The following CYLC2 variants were observed in gnomAD, a reference collection of about 807,000 sequenced individuals.
CYLC2 encodes the protein cylicin-2.
Under a neutral mutation model 26.1 loss-of-function variants are expected in CYLC2, and 30 were observed. The ratio of observed to expected loss-of-function variants is 1.15; its 90% CI spans 0.86 to 1.56. CYLC2 has a LOEUF of 1.56. CYLC2 is among the 40% of genes most tolerant of loss of function. The pLI, the probability that CYLC2 is intolerant of heterozygous loss-of-function variation, is 0.00. For synonymous variants in CYLC2, 158 were observed against 132.8 expected, an observed-to-expected ratio of 1.19 and a Z score of -1.31; for missense variants, 498 against 394.4, an observed-to-expected ratio of 1.26 and a Z score of -2.23.
intron 6 of CYLC2, among the ~76,000 whole-genome samples, chr9:103,015,266 C>T (rs1224557797): frequency 3.5e-5 from 4 of 113,218 alleles, no homozygotes; most frequent in Non-Finnish European, 6.9e-5. Context: ...ATATTATATA[C>T]ATATATTTAT....
In CYLC2 at chr9:102,997,824, C is replaced by A. The variant is rs564761067; in HGVS notation, c.17+2427C>A. On this transcript the variant is annotated intron_variant, in intron 1 of 7. Transcript: ENST00000374798. ...TTTTGTATTTAGATTAAAATATAAC[C>A]CAGACTAAAAGGAAAAATAATCAGA... Among the ~76,000 whole-genome samples, 34 of 151,664 alleles carry A rather than the reference C, an allele frequency of 2.2e-4. 1 individual carries two copies. In the South Asian group the frequency reaches 6.8e-3, roughly 31 times the overall value.
intron 6 of CYLC2, among the ~76,000 whole-genome samples, chr9:103,013,309 T>TA (rs1564100428): frequency 3.7e-5 from 2 of 54,346 alleles, no homozygotes; most frequent in East Asian, 7.0e-4. Flanking sequence ...ACATGTTATA[T>TA]GTTTATATAA....
chr9:103,005,315 G>C lies in CYLC2; in HGVS notation c.684G>C (p.Lys228Asn). The C allele has an allele frequency of 1.9e-6, 3 of 1,613,632 alleles. No homozygotes were observed. The highest frequency in any genetic ancestry group is 2.5e-6 in the Non-Finnish European group (3 of 1,179,894). Residue 228 changes from lysine to asparagine, a missense_variant, in exon 5 of 8, where the codon AAG becomes AAC. By Grantham distance (94) the Lys-to-Asn change is moderately conservative. Transcript: ENST00000374798. ...KKGKKDSKKG[K>N]DSAIELQAVK... ...GTAAAAAGGATTCAAAGAAGGGCAA[G>C]GATTCAGCCATAGAATTACAAGCTG... is the stretch of plus-strand genomic sequence containing the variant.
intron 6 of CYLC2, among the ~76,000 whole-genome samples, chr9:103,012,517 T>C (rs1376756711): frequency 6.6e-6 from 1 of 152,068 alleles, no homozygotes; most frequent in African/African-American, 2.4e-5. Flanking sequence ...TTTATAATTA[T>C]TCTTTTTTAA....
At chr9:102,998,530 G>A (rs1307903935) in intron 1 of CYLC2, among the ~76,000 whole-genome samples, 4 of 151,848 alleles carry the variant, frequency 2.6e-5, no homozygotes, top group African/African-American at 9.7e-5. Flanking sequence ...TAAAGAGTGG[G>A]AAAGTGCTAT....
chr9:103,007,088 A>C (rs1029786999), intron 5 of CYLC2, among the ~76,000 whole-genome samples: 8 of 152,156 alleles, frequency 5.3e-5, no homozygotes, highest in Non-Finnish European at 1.2e-4. Flanking sequence ...CTAAAGGTTC[A>C]AATTGACACT....
intron 6 of CYLC2, among the ~76,000 whole-genome samples, chr9:103,014,436 A>C (rs927065991): frequency 4.1e-5 from 4 of 97,256 alleles, no homozygotes; most frequent in Non-Finnish European, 8.9e-5. Flanking sequence ...CATAATGTAT[A>C]TTACATAATA....
intron 1 of CYLC2, among the ~76,000 whole-genome samples, chr9:103,001,148 C>T (rs532943255): frequency 2.6e-5 from 4 of 151,602 alleles, no homozygotes; most frequent in South Asian, 2.1e-4. Flanking sequence ...TTTACATAAG[C>T]GTAGAGTTTA....
intron 1 of CYLC2, 114 bp from the exon 2 acceptor site, chr9:103,001,464 G>A (rs1427107424): frequency 1.5e-6 from 1 of 664,426 alleles, no homozygotes; most frequent in Non-Finnish European, 2.7e-6. Context: ...AGATATCTGA[G>A]ATTGTGAAAT....
intron 6 of CYLC2, among the ~76,000 whole-genome samples, chr9:103,013,545 A>G (rs1440892925): frequency 3.5e-5 from 4 of 113,112 alleles, no homozygotes; most frequent in Non-Finnish European, 4.9e-5. Context: ...ATTAAATTAT[A>G]TTAAAATTAA....
In CYLC2 at chr9:103,003,153, A is replaced by T; in HGVS notation, c.70A>T (p.Ser24Cys). 1 of 1,613,684 alleles carries T rather than the reference A, an allele frequency of 6.2e-7. No homozygotes were observed. The highest frequency in any genetic ancestry group is 8.5e-7 in the Non-Finnish European group (1 of 1,179,776). The change falls in exon 3 of 8, where the codon AGC becomes TGC. Residue 24 changes from serine (S) to cysteine (C), a missense_variant. By Grantham distance (112) the Ser-to-Cys change is moderately radical. Coordinates refer to ENST00000374798, the MANE Select transcript of CYLC2 (RefSeq NM_001340.5). ...YDNYIPVSEL[S>C]KKSWNQQHFA... ...CTCCCTTATTTTAGTCAGTGAATTA[A>T]GCAAAAAATCATGGAATCAGCAACA...
intron 5 of CYLC2, among the ~76,000 whole-genome samples, chr9:103,008,906 C>A (rs903852053): frequency 1.3e-5 from 2 of 152,102 alleles, no homozygotes; most frequent in Admixed American, 6.6e-5. Flanking sequence ...TTGGTCAAAG[C>A]TTTCTAGTGT....
At chr9:102,995,495 C>G in intron 1 of CYLC2, 98 bp downstream of exon 1, 1 of 879,186 alleles carries the variant, frequency 1.1e-6, no homozygotes, top group Non-Finnish European at 1.9e-6. Flanking sequence ...TATTATGATG[C>G]CATTCATAAG....
intron 2 of CYLC2, among the ~76,000 whole-genome samples, chr9:103,002,723 C>T (rs1829301338): frequency 6.6e-6 from 1 of 152,074 alleles, no homozygotes; most frequent in Non-Finnish European, 1.5e-5. Flanking sequence ...TAGATTAAAT[C>T]ATGTATTTAC....
At chr9:103,004,287 G>A (rs1404500762) in intron 3 of CYLC2, among the ~76,000 whole-genome samples, 1 of 151,994 alleles carries the variant, frequency 6.6e-6, no homozygotes, top group Non-Finnish European at 1.5e-5. Flanking sequence ...AATAGACTAA[G>A]ATATGCCTCA....
At chr9:103,014,049 A>G (rs1488054439) in intron 6 of CYLC2, among the ~76,000 whole-genome samples, 38 of 118,130 alleles carry the variant, frequency 3.2e-4, no homozygotes, top group Non-Finnish European at 5.4e-4. Context: ...CATACTTTAT[A>G]TATCTATTTA....
intron 2 of CYLC2, among the ~76,000 whole-genome samples, chr9:103,001,855 CAT>C (rs1187426216): frequency 6.6e-6 from 1 of 152,082 alleles, no homozygotes; most frequent in South Asian, 2.1e-4. Context: ...GAAATAGTTA[CAT>C]GTTAGAAGTC....
chr9:103,017,633 G>T (rs1041126414), intron 7 of CYLC2, among the ~76,000 whole-genome samples: 1 of 151,922 alleles, frequency 6.6e-6, no homozygotes, highest in Non-Finnish European at 1.5e-5. Context: ...ATATCAATTG[G>T]TCCCTCTGTA....
At chr9:103,002,888 C>T (rs1028486182) in intron 2 of CYLC2, among the ~76,000 whole-genome samples, 3 of 152,048 alleles carry the variant, frequency 2.0e-5, no homozygotes, top group African/African-American at 7.2e-5. Context: ...TGAGTCTTTC[C>T]ATTTATATTA....
Sources: allele counts gnomAD v4.1 joint callset (sites outside exome capture counted in the v4.1 genomes callset), GRCh38; gene constraint gnomAD v4.1.1; transcripts MANE v1.5; gene names NCBI Gene and HGNC (gene_info 2026-07-23, HGNC 2026-07-21).